Variants in ARID4B observed in about 807,000 individuals in gnomAD.
The protein encoded by ARID4B is AT-rich interactive domain-containing protein 4B.
A neutral mutation model predicts 147.5 loss-of-function variants in ARID4B; 26 were observed. That is an observed-to-expected ratio of 0.18 (90% CI 0.13 to 0.24). The LOEUF is 0.24. Ranked by LOEUF, ARID4B falls within the 10% of genes least tolerant of loss-of-function variation. The pLI, the probability that ARID4B is intolerant of heterozygous loss-of-function variation, is 1.00. For missense variants in ARID4B, 1,179 were observed against 1,511.5 expected, an observed-to-expected ratio of 0.78 and a Z score of 3.65; for synonymous variants, 512 against 507.9, an observed-to-expected ratio of 1.01 and a Z score of -0.11.
intron 21 of ARID4B, 42 bp from the exon 22 acceptor site, chr1:235,175,441 A>AATTTATTGT: frequency 6.6e-7 from 1 of 1,507,358 alleles, no homozygotes; most frequent in Non-Finnish European, 9.2e-7. Flanking sequence ...AAATGTAACA[A>AATTTATTGT]TAAATTTGTC....
chr1:235,251,659 ATTAAAGTAATAAAT>A (rs1291492232), intron 6 of ARID4B, among the ~76,000 whole-genome samples: 1 of 151,944 alleles, frequency 6.6e-6, no homozygotes, highest in Non-Finnish European at 1.5e-5. Flanking sequence ...TTAAAGTAAT[ATTAAAGTAATAAAT>A]AATAACAAAT....
intron 6 of ARID4B, among the ~76,000 whole-genome samples, chr1:235,248,737 C>G (rs1669457817): frequency 1.3e-5 from 2 of 152,166 alleles, no homozygotes; most frequent in Non-Finnish European, 1.5e-5. Context: ...TAGTACATAA[C>G]AAGAAGAAAC....
intron 2 of ARID4B, among the ~76,000 whole-genome samples, chr1:235,278,775 C>T (rs151230255): frequency 4.2e-4 from 64 of 152,298 alleles, no homozygotes; most frequent in African/African-American, 1.4e-3. Flanking sequence ...TGTCCTACCA[C>T]TTTTGGCACA....
chr1:235,177,569 GC>G (rs1663976636), intron 21 of ARID4B: 1 of 370,424 alleles, frequency 2.7e-6, no homozygotes, highest in South Asian at 5.3e-5. Context: ...TTGGTTTGCT[GC>G]ACCCATCAAC....
intron 19 of ARID4B, among the ~76,000 whole-genome samples, chr1:235,188,799 C>T (rs961865768): frequency 6.6e-6 from 1 of 152,104 alleles, no homozygotes; most frequent in Non-Finnish European, 1.5e-5. Flanking sequence ...ACATGGCCAA[C>T]CAGATCACCC....
At chr1:235,209,563 G>GTTTTTTTTTTTTTTTTTT (rs374681138) in intron 17 of ARID4B, among the ~76,000 whole-genome samples, 2 of 137,160 alleles carry the variant, frequency 1.5e-5, no homozygotes, top group Non-Finnish European at 1.6e-5. Context: ...TTTGTTTTTT[G>GTTTTTTTTTTTTTTTTTT]TTTTGTTTTT....
intron 2 of ARID4B, among the ~76,000 whole-genome samples, chr1:235,278,133 A>G (rs1483678953): frequency 2.6e-5 from 4 of 152,170 alleles, no homozygotes; most frequent in African/African-American, 9.7e-5. Context: ...GCCTTCTTTC[A>G]ATGGCCTCTC....
chr1:235,213,736 T>C (rs762356982), intron 17 of ARID4B, 33 bp downstream of exon 17: 4 of 1,575,444 alleles, frequency 2.5e-6, no homozygotes, highest in South Asian at 1.2e-5. Flanking sequence ...TAATTGTTTT[T>C]AGGTAATAAT....
rs531454085 is a variant in ARID4B at position 235,260,630 on chromosome 1, T to A, written c.117+12A>T. Reference sequence around the variant, plus strand: ...CTGAACATACAATTTATGAAATCTATAAATACTGTACCTTGACTTTGACAA... The same window carrying A: ...CTGAACATACAATTTATGAAATCTAAAAATACTGTACCTTGACTTTGACAA... On this transcript the variant is annotated intron_variant, in intron 3 of 23. Coordinates refer to ENST00000264183, the MANE Select transcript of ARID4B (RefSeq NM_016374.6). 8 of 1,554,560 alleles carry A rather than the reference T, an allele frequency of 5.1e-6. No homozygotes were observed. Among genetic ancestry groups the A allele is most frequent in the Non-Finnish European group, 8.7e-7 (1 of 1,144,178 alleles).
chr1:235,307,562 A>G (rs1435644094), intron 2 of ARID4B, among the ~76,000 whole-genome samples: 1 of 152,222 alleles, frequency 6.6e-6, no homozygotes, highest in East Asian at 1.9e-4. Context: ...GCCAAAGAAA[A>G]AGAGAGAGAG....
Position 235,181,813 on chromosome 1 carries a change from T to C in ARID4B, c.3106A>G (p.Thr1036Ala), listed in dbSNP as rs1173372563. The change falls in exon 20 of 24, where the codon ACA (threonine) becomes GCA (alanine). Residue 1036 changes from threonine (T) to alanine (A), a missense_variant. Physicochemically the swap from Thr to Ala is moderately conservative, Grantham distance 58. Coordinates refer to ENST00000264183, the MANE Select transcript of ARID4B (RefSeq NM_016374.6). The stretch of plus-strand genomic sequence containing the variant: ...GAAGACTGCTGCCGGCTGCCTTCTG[T>C]TACAGTGACTGATGAAGGCGATTCA... ...TPESPSSVTV[T>A]EGSRQQSSVT... 4.3e-6 allele frequency: 7 copies of C among 1,614,058 alleles called. No homozygotes were observed. The highest frequency in any genetic ancestry group is 5.9e-6 in the Non-Finnish European group (7 of 1,180,026).
At chr1:235,203,259 T>C (rs1439656880) in intron 17 of ARID4B, among the ~76,000 whole-genome samples, 2 of 152,240 alleles carry the variant, frequency 1.3e-5, no homozygotes, top group African/African-American at 4.8e-5. Flanking sequence ...TAAGAAATCA[T>C]TTTGTAATAA....
intron 11 of ARID4B, among the ~76,000 whole-genome samples, chr1:235,227,957 C>T (rs1572027598): frequency 1.3e-5 from 2 of 151,542 alleles, no homozygotes; most frequent in African/African-American, 4.9e-5. Flanking sequence ...CTCAGCCTCC[C>T]GAGTAGCTGG....
chr1:235,314,200 A>C (rs1674275468), intron 2 of ARID4B, among the ~76,000 whole-genome samples: 1 of 152,162 alleles, frequency 6.6e-6, no homozygotes, highest in African/African-American at 2.4e-5. Flanking sequence ...ATTCAATCCC[A>C]AACAGTCTTG....
intron 2 of ARID4B, among the ~76,000 whole-genome samples, chr1:235,300,466 A>C (rs1460543315): frequency 6.6e-6 from 1 of 151,962 alleles, no homozygotes; most frequent in Non-Finnish European, 1.5e-5. Context: ...AATTGAGTTC[A>C]ACTCTATGCT....
intron 16 of ARID4B, among the ~76,000 whole-genome samples, chr1:235,216,930 A>T (rs1667130889): frequency 6.6e-6 from 1 of 152,112 alleles, no homozygotes. Context: ...TAAAAATGAG[A>T]TATAGAATCA....
At chr1:235,319,766 C>T (rs1289757372) in intron 2 of ARID4B, among the ~76,000 whole-genome samples, 1 of 151,772 alleles carries the variant, frequency 6.6e-6, no homozygotes, top group Non-Finnish European at 1.5e-5. Context: ...CCAAGGCGGG[C>T]GGATCACTTA....
At position 235,198,301 on chromosome 1, in the gene ARID4B, T is replaced by C. The variant is rs192932285; in HGVS notation, c.1842-2186A>G. 2.0e-5 allele frequency among the ~76,000 whole-genome samples: 3 copies of C among 152,290 alleles called. No homozygotes were observed. In the East Asian group the frequency reaches 5.8e-4, roughly 29 times the overall value. ...CCTGGGTTTTATTATCAATTATATTTTGAAGTAGGGTAAAATAGTAGTTTT... is the reference window on the plus strand; with the variant it reads ...CCTGGGTTTTATTATCAATTATATTCTGAAGTAGGGTAAAATAGTAGTTTT... On this transcript the variant is annotated intron_variant, in intron 17 of 23. Transcript: ENST00000264183.
chr1:235,301,533 T>TCC, intron 2 of ARID4B, among the ~76,000 whole-genome samples: 1 of 117,954 alleles, frequency 8.5e-6, no homozygotes, highest in Non-Finnish European at 1.7e-5. Flanking sequence ...AGACCCTATT[T>TCC]CTTTTTTTTT....
Sources: gnomAD v4.1 joint callset for allele counts (sites outside exome capture counted in the v4.1 genomes callset) on GRCh38, gnomAD v4.1.1 for gene constraint, MANE v1.5 for transcripts, NCBI Gene and HGNC (gene_info 2026-07-23, HGNC 2026-07-21) for gene names.